The following GRM7 variants were observed in gnomAD, a reference collection of about 807,000 sequenced individuals.
The protein encoded by GRM7 is glutamate metabotropic receptor 7.
In GRM7, 35 loss-of-function variants were observed where a neutral mutation model predicts 84.5. That is an observed-to-expected ratio of 0.41 (90% CI 0.32 to 0.55). The LOEUF (loss-of-function observed/expected upper bound fraction) is 0.55, where lower values mean the gene tolerates loss of function less well. Among genes scored for constraint, GRM7 ranks in the 20% least tolerant of loss-of-function variants. The pLI, the probability that GRM7 is intolerant of heterozygous loss-of-function variation, is 0.19. For missense variants in GRM7, 1,003 were observed against 1,194.6 expected, an observed-to-expected ratio of 0.84 and a Z score of 2.36; for synonymous variants, 487 against 455.1, an observed-to-expected ratio of 1.07 and a Z score of -0.89.
At chr3:7,227,453 C>A (rs980929421) in intron 2 of GRM7, among the ~76,000 whole-genome samples, 4 of 152,176 alleles carry the variant, frequency 2.6e-5, no homozygotes, top group African/African-American at 9.7e-5. Flanking sequence ...CAGAAGGTAG[C>A]CACAATGAGC....
At chr3:7,229,841 T>C (rs1697132275) in intron 2 of GRM7, among the ~76,000 whole-genome samples, 1 of 123,964 alleles carries the variant, frequency 8.1e-6, no homozygotes. Context: ...TCCATCTTCT[T>C]TTTTTTTTTT....
At chr3:6,948,245 G>T (rs1385883834) in intron 1 of GRM7, among the ~76,000 whole-genome samples, 1 of 152,044 alleles carries the variant, frequency 6.6e-6, no homozygotes, top group African/African-American at 2.4e-5. Context: ...AGAGATTCTG[G>T]TATGTTGTGT....
intron 9 of GRM7, among the ~76,000 whole-genome samples, chr3:7,728,207 G>A (rs772235773): frequency 1.3e-5 from 2 of 152,136 alleles, no homozygotes; most frequent in Non-Finnish European, 2.9e-5. Context: ...TTCCCAGACC[G>A]AACCGGGTCT....
At chr3:7,149,314 G>A (rs562052898) in intron 2 of GRM7, among the ~76,000 whole-genome samples, 26 of 152,196 alleles carry the variant, frequency 1.7e-4, no homozygotes, top group South Asian at 4.2e-4. Context: ...CATAAGGCGC[G>A]CATCTTGCTG....
At chr3:7,707,863 T>C (rs1701438755) in intron 9 of GRM7, among the ~76,000 whole-genome samples, 1 of 152,202 alleles carries the variant, frequency 6.6e-6, no homozygotes, top group Non-Finnish European at 1.5e-5. Flanking sequence ...ATTTGCCATT[T>C]AACTTCATTC....
At chr3:7,120,780 C>T (rs1216597368) in intron 1 of GRM7, among the ~76,000 whole-genome samples, 1 of 152,162 alleles carries the variant, frequency 6.6e-6, no homozygotes, top group Admixed American at 6.5e-5. Context: ...TTCTGCCTCT[C>T]TGGAGACAGT....
chr3:7,225,141 A>G (rs115722115), intron 2 of GRM7, among the ~76,000 whole-genome samples: 2,763 of 152,050 alleles, frequency 0.018, 92 homozygotes, highest in African/African-American at 0.063. Flanking sequence ...CTTACTTTTA[A>G]TATCTCCTGA....
intron 2 of GRM7, among the ~76,000 whole-genome samples, chr3:7,222,762 C>T (rs914983591): frequency 5.3e-5 from 8 of 152,190 alleles, no homozygotes; most frequent in Non-Finnish European, 7.3e-5. Flanking sequence ...TTCCCTTATA[C>T]ACAATCCTAG....
chr3:7,040,097 G>A (rs549390492), intron 1 of GRM7, among the ~76,000 whole-genome samples: 1 of 151,984 alleles, frequency 6.6e-6, no homozygotes, highest in Non-Finnish European at 1.5e-5. Context: ...ACCCTTTGCA[G>A]GGCCCCATTC....
At chr3:7,491,062 A>G (rs1223866631) in intron 7 of GRM7, among the ~76,000 whole-genome samples, 2 of 152,020 alleles carry the variant, frequency 1.3e-5, no homozygotes, top group South Asian at 2.1e-4. Context: ...AAAATTAATC[A>G]TGTATACAAA....
chr3:7,216,303 T>C (rs1056609720), intron 2 of GRM7, among the ~76,000 whole-genome samples: 6 of 152,338 alleles, frequency 3.9e-5, no homozygotes, highest in African/African-American at 1.2e-4. Flanking sequence ...ATCATGTTGG[T>C]ATAATTATAT....
chr3:7,303,997 C>T (rs963638035), intron 3 of GRM7, among the ~76,000 whole-genome samples: 1 of 151,078 alleles, frequency 6.6e-6, no homozygotes, highest in Admixed American at 6.6e-5. Context: ...AAAAAATGTT[C>T]TCATTCTGCC....
chr3:7,693,285 G>A (rs538910501), intron 9 of GRM7, among the ~76,000 whole-genome samples: 2 of 152,206 alleles, frequency 1.3e-5, no homozygotes, highest in African/African-American at 4.8e-5. Flanking sequence ...GGAAACATGA[G>A]CAAAGGTAAT....
intron 1 of GRM7, among the ~76,000 whole-genome samples, chr3:6,885,472 T>C (rs890504615): frequency 6.6e-6 from 1 of 152,218 alleles, no homozygotes. Context: ...TAAACCAAGA[T>C]GGCACATTGG....
At chr3:7,647,843 G>C (rs915877946) in intron 8 of GRM7, among the ~76,000 whole-genome samples, 2 of 152,104 alleles carry the variant, frequency 1.3e-5, no homozygotes, top group African/African-American at 4.8e-5. Flanking sequence ...GGTAGACCAA[G>C]GGAGAAATGG....
chr3:7,572,644 C>T (rs889492894), intron 7 of GRM7, among the ~76,000 whole-genome samples: 6 of 150,412 alleles, frequency 4.0e-5, no homozygotes, highest in African/African-American at 1.2e-4. Context: ...ACCGTGAAAC[C>T]CCATCTCTAC....
intron 4 of GRM7, among the ~76,000 whole-genome samples, chr3:7,411,333 A>G (rs538426548): frequency 7.2e-5 from 11 of 152,208 alleles, no homozygotes; most frequent in African/African-American, 2.7e-4. Flanking sequence ...ATAGAAATAT[A>G]AAAGGGCATG....
intron 7 of GRM7, among the ~76,000 whole-genome samples, chr3:7,562,233 G>A (rs1316462959): frequency 6.6e-6 from 1 of 151,938 alleles, no homozygotes; most frequent in East Asian, 1.9e-4. Context: ...TTGCTAACTT[G>A]AGCTGGAGAA....
chr3:7,212,425 TA>T (rs1343531633), intron 2 of GRM7, among the ~76,000 whole-genome samples: 1 of 152,120 alleles, frequency 6.6e-6, no homozygotes, highest in Admixed American at 6.5e-5. Context: ...CAGTGATAAT[TA>T]AAACAAAACA....
Sources: allele counts gnomAD v4.1 joint callset (sites outside exome capture counted in the v4.1 genomes callset), GRCh38; gene constraint gnomAD v4.1.1; transcripts MANE v1.5; gene names NCBI Gene and HGNC (gene_info 2026-07-23, HGNC 2026-07-21).